ZNF532: variants seen among roughly 807,000 people sequenced by gnomAD.
ZNF532 encodes the protein zinc finger protein 532.
ZNF532 carries 22 observed loss-of-function variants against 89.3 expected under a neutral mutation model. The ratio of observed to expected loss-of-function variants is 0.25; its 90% CI spans 0.18 to 0.35. The LOEUF (loss-of-function observed/expected upper bound fraction) is 0.35. ZNF532 is among the 10% of genes least tolerant of loss of function. The pLI is 1.00. For synonymous variants in ZNF532, 606 were observed against 649.6 expected, an observed-to-expected ratio of 0.93 and a Z score of 1.02; for missense variants, 1,132 against 1,643.4, an observed-to-expected ratio of 0.69 and a Z score of 5.38.
At chr18:58,953,034 A>T (rs2064374074) in intron 6 of ZNF532, 1 of 154,486 alleles carries the variant, frequency 6.5e-6, no homozygotes, top group Admixed American at 6.4e-5. Flanking sequence ...TGTGAAAGGC[A>T]TGAAGAGAAA....
At chr18:58,931,513 A>G (rs2146390879) in intron 3 of ZNF532, 1 of 152,208 alleles carries the variant, frequency 6.6e-6, no homozygotes, top group East Asian at 1.9e-4. Flanking sequence ...AGTTTTCTGT[A>G]ACAGGAACAG....
chr18:58,985,717 T>TTTTC lies in ZNF532; in HGVS notation c.*1255_*1258dup, dbSNP rs1359000250. The TTTTC allele has an allele frequency of 1.3e-5, 2 of 152,670 alleles. No homozygotes were observed. Among genetic ancestry groups the TTTTC allele is most frequent in the East Asian group, 3.9e-4 (2 of 5,194 alleles). 9.5% of individuals were successfully genotyped at this position (152,670 alleles called of 1,614,324 possible). A position where few individuals can be genotyped will look rare whatever the true frequency, so the allele number is the denominator to read the frequency against. On this transcript the variant is annotated 3_prime_UTR_variant, in exon 10 of 10. Coordinates refer to ENST00000591808, the MANE Select transcript of ZNF532 (RefSeq NM_001375912.1). ...TTCTATTTTTTGGTTTTGTTTTGTG[T>TTTTC]TTTCTTTTGCATTTTGTATCTTGTA...
chr18:58,954,835 C>T (rs1474688589), intron 7 of ZNF532, among the ~76,000 whole-genome samples: 1 of 151,466 alleles, frequency 6.6e-6, no homozygotes, highest in Admixed American at 6.6e-5. Context: ...GCGTCAGTCT[C>T]CCAAGTAGCT....
At chr18:58,971,861 TAAAC>T (rs1202110188) in intron 7 of ZNF532, among the ~76,000 whole-genome samples, 4 of 152,232 alleles carry the variant, frequency 2.6e-5, no homozygotes, top group Admixed American at 2.0e-4. Flanking sequence ...TAATAGAAGA[TAAAC>T]AATTCATGGT....
At chr18:58,968,088 CAT>C (rs1206311686) in intron 7 of ZNF532, among the ~76,000 whole-genome samples, 1 of 152,174 alleles carries the variant, frequency 6.6e-6, no homozygotes, top group African/African-American at 2.4e-5. Flanking sequence ...ACACTTAAGA[CAT>C]TTGTAGTTCA....
chr18:58,947,491 CAG>C (rs1239671334), intron 5 of ZNF532, among the ~76,000 whole-genome samples: 1 of 152,162 alleles, frequency 6.6e-6, no homozygotes, highest in African/African-American at 2.4e-5. Flanking sequence ...GTTGAAATAA[CAG>C]TGGTATCGAT....
rs746420038 is a variant in ZNF532 at position 58,953,636 on chromosome 18, C to G, written c.2987C>G (p.Ser996Cys). 2.0e-5 allele frequency: 32 copies of G among 1,613,852 alleles called. No homozygotes were observed. Among genetic ancestry groups the G allele is most frequent in the Non-Finnish European group, 2.6e-5 (31 of 1,179,866 alleles). Reference sequence around the variant, plus strand: ...AATCAGAACAAAGAGGACACCAAATCCATGAATGGGAAAGAGAAATTGGAA... The same window carrying G: ...AATCAGAACAAAGAGGACACCAAATGCATGAATGGGAAAGAGAAATTGGAA... ...SANQNKEDTK[S>C]MNGKEKLEKK... The change falls in exon 7 of 10, where the codon TCC becomes TGC. Residue 996 changes from serine to cysteine, a missense_variant. By Grantham distance (112) the Ser-to-Cys change is moderately radical. Transcript: ENST00000591808.
chr18:58,961,894 G>A (rs1364654469), intron 7 of ZNF532, among the ~76,000 whole-genome samples: 2 of 152,150 alleles, frequency 1.3e-5, no homozygotes, highest in Non-Finnish European at 2.9e-5. Flanking sequence ...TTCAGGTAGT[G>A]GCCAGATGCT....
At chr18:58,951,917 G>A (rs921025363) in intron 6 of ZNF532, among the ~76,000 whole-genome samples, 19 of 152,120 alleles carry the variant, frequency 1.2e-4, no homozygotes, top group African/African-American at 3.9e-4. Context: ...CCAAAGTGCT[G>A]GGATTACAGG....
At chr18:58,971,162 C>G (rs528074891) in intron 7 of ZNF532, among the ~76,000 whole-genome samples, 1 of 152,274 alleles carries the variant, frequency 6.6e-6, no homozygotes, top group South Asian at 2.1e-4. Context: ...TTTAAATAAG[C>G]ATAGTGGTAA....
intron 2 of ZNF532, among the ~76,000 whole-genome samples, chr18:58,916,244 A>T (rs1389746136): frequency 6.6e-6 from 1 of 152,188 alleles, no homozygotes; most frequent in Non-Finnish European, 1.5e-5. Context: ...ACATTCAGGG[A>T]TTATTTGTAA....
intron 2 of ZNF532, among the ~76,000 whole-genome samples, chr18:58,894,668 T>C (rs964719771): frequency 3.3e-5 from 5 of 152,200 alleles, no homozygotes; most frequent in African/African-American, 1.2e-4. Context: ...TTGTGTGGTC[T>C]TGATCTTCCT....
intron 7 of ZNF532, among the ~76,000 whole-genome samples, chr18:58,960,318 G>C (rs983527220): frequency 6.6e-6 from 1 of 152,168 alleles, no homozygotes; most frequent in Non-Finnish European, 1.5e-5. Flanking sequence ...CCAAAGTGTC[G>C]GGATTACAGG....
At chr18:58,950,258 A>G (rs1039256412) in intron 6 of ZNF532, among the ~76,000 whole-genome samples, 21 of 152,192 alleles carry the variant, frequency 1.4e-4, no homozygotes, top group African/African-American at 5.1e-4. Flanking sequence ...GAGGAATACA[A>G]GGTTCCAAGA....
chr18:58,943,932 A>G (rs2063435652), intron 5 of ZNF532, among the ~76,000 whole-genome samples: 1 of 152,254 alleles, frequency 6.6e-6, no homozygotes, highest in Non-Finnish European at 1.5e-5. Flanking sequence ...GTTTTTGAAC[A>G]TGTTCCTGAG....
Position 58,939,560 on chromosome 18 carries a change from GC to G in ZNF532, c.2648del (p.Pro883GlnfsTer16). ...TATTTGTCCAATGGCGTTTAAGTCT[GC>G]CCCAAGCACACATTCCCACGCCTAC... is the stretch of plus-strand genomic sequence containing the variant. ...CPICPMAFKS[A>X]PSTHSHAYTQ... On this transcript the variant is annotated frameshift_variant, in exon 5 of 10. Transcript: ENST00000591808. LOFTEE classifies it high-confidence loss of function. 6.2e-7 allele frequency: 1 copy of G among 1,614,052 alleles called. No individual in the cohort carries two copies. Among genetic ancestry groups the G allele is most frequent in the Non-Finnish European group, 8.5e-7 (1 of 1,180,020 alleles).
chr18:58,918,876 A>G lies in ZNF532; in HGVS notation c.589A>G (p.Lys197Glu), dbSNP rs776129758. ...TGLSTSGNVE[K>E]NKAVKRETEA... Reference sequence around the variant, plus strand: ...ACTCTCTACGTCAGGCAATGTGGAGAAAAACAAAGCTGTTAAGAGAGAAAC... The same window carrying G: ...ACTCTCTACGTCAGGCAATGTGGAGGAAAACAAAGCTGTTAAGAGAGAAAC... The change falls in exon 3 of 10, where the codon AAA becomes GAA. Residue 197 changes from lysine to glutamate, a missense_variant. By Grantham distance (56) the Lys-to-Glu change is moderately conservative (BLOSUM62 1). Coordinates refer to ENST00000591808, the MANE Select transcript of ZNF532 (RefSeq NM_001375912.1). 3.1e-6 allele frequency: 5 copies of G among 1,614,058 alleles called. No individual in the cohort carries two copies. The South Asian group carries it at 4.4e-5, about 14-fold the overall frequency.
At chr18:58,902,494 T>A (rs899515276) in intron 2 of ZNF532, among the ~76,000 whole-genome samples, 6 of 151,514 alleles carry the variant, frequency 4.0e-5, no homozygotes, top group Non-Finnish European at 5.9e-5. Flanking sequence ...CCCTTCTCCT[T>A]CTTTTTTTTT....
intron 3 of ZNF532, among the ~76,000 whole-genome samples, chr18:58,923,606 C>G (rs1027113156): frequency 6.6e-6 from 1 of 152,026 alleles, no homozygotes; most frequent in African/African-American, 2.4e-5. Flanking sequence ...GAGGTGGGGG[C>G]TGCAGTAAGA....
Sources: allele counts gnomAD v4.1 joint callset (sites outside exome capture counted in the v4.1 genomes callset), GRCh38; gene constraint gnomAD v4.1.1; transcripts MANE v1.5; gene names NCBI Gene and HGNC (gene_info 2026-07-23, HGNC 2026-07-21).